SV2C: variants seen among roughly 807,000 people sequenced by gnomAD.
SV2C encodes the protein synaptic vesicle glycoprotein 2C, also known as solute carrier family 22 member B3.
SV2C carries 49 observed loss-of-function variants against 79.7 expected under a neutral mutation model. The ratio of observed to expected loss-of-function variants is 0.61; its 90% CI spans 0.49 to 0.78. The LOEUF (loss-of-function observed/expected upper bound fraction) is 0.78, where lower values mean the gene tolerates loss of function less well. Among genes scored for constraint, SV2C ranks in the 30% least tolerant of loss-of-function variants. The probability of loss-of-function intolerance (pLI) is 0.00; values close to 1 mark genes in which losing one functional copy is unlikely to be tolerated. For missense variants in SV2C, 833 were observed against 912.9 expected (o/e 0.91, Z 1.13); for synonymous variants, 334 against 333.2 (o/e 1.00, Z -0.03).
At chr5:75,983,174 A>G in the SV2C span, among the ~76,000 whole-genome samples, 1 of 152,104 alleles carries the variant, frequency 6.6e-6, no homozygotes, top group African/African-American at 2.4e-5. Context: ...CCCTCATAAC[A>G]CAAGTTTACC....
At chr5:76,336,941 G>T (rs967520976), downstream of SV2C, among the ~76,000 whole-genome samples, 1 of 152,096 alleles carries the variant, frequency 6.6e-6, no homozygotes, top group African/African-American at 2.4e-5. Flanking sequence ...GAAACAACAG[G>T]CCTGGCATGG....
In SV2C at chr5:76,345,040, G is replaced by A. The variant is rs539269439; in HGVS notation, c.2001-8090G>A. ...TACTTGCATATTCAGGACTAACCCA[G>A]CATAGATGTTACATCCTCGATATTC... On this transcript the variant is annotated intron_variant, in intron 12 of 12. Coordinates refer to the SV2C transcript ENST00000322285. Among the ~76,000 whole-genome samples the A allele has an allele frequency of 2.6e-5, 4 of 152,332 alleles. No individual in the cohort carries two copies. In the East Asian group the frequency reaches 7.7e-4, roughly 29 times the overall value.
intron 1 of SV2C, among the ~76,000 whole-genome samples, chr5:76,125,420 G>C (rs1260002903): frequency 1.3e-5 from 2 of 152,030 alleles, no homozygotes; most frequent in African/African-American, 4.8e-5. Context: ...AGAATTTAAA[G>C]GATTTTAGTG....
chr5:76,139,720 T>C (rs190067251), intron 2 of SV2C, among the ~76,000 whole-genome samples: 1 of 152,092 alleles, frequency 6.6e-6, no homozygotes, highest in Non-Finnish European at 1.5e-5. Flanking sequence ...ACATCTGCAA[T>C]ATTAGCTAGA....
At chr5:76,065,730 C>G in the SV2C span, among the ~76,000 whole-genome samples, 1 of 152,150 alleles carries the variant, frequency 6.6e-6, no homozygotes, top group Admixed American at 6.5e-5. Context: ...CCATTGGTAT[C>G]ATTGGAATGG....
chr5:76,183,001 TA>T, intron 2 of SV2C, among the ~76,000 whole-genome samples: 1 of 148,566 alleles, frequency 6.7e-6, no homozygotes, highest in Non-Finnish European at 1.5e-5. Flanking sequence ...CACATACTTT[TA>T]AATGACCACA....
intron 4 of SV2C, among the ~76,000 whole-genome samples, chr5:76,245,702 G>A (rs1366136506): frequency 6.6e-6 from 1 of 152,136 alleles, no homozygotes; most frequent in Non-Finnish European, 1.5e-5. Flanking sequence ...AACTCTATAT[G>A]CTAATTGAAA....
At chr5:75,956,290 G>A in the SV2C span, among the ~76,000 whole-genome samples, 65 of 144,246 alleles carry the variant, frequency 4.5e-4, 1 homozygote, top group South Asian at 9.0e-3. Flanking sequence ...GTAAACTATC[G>A]CAAGAACAAA....
the SV2C span, among the ~76,000 whole-genome samples, chr5:76,025,449 CT>C: frequency 6.6e-6 from 1 of 152,156 alleles, no homozygotes; most frequent in Admixed American, 6.5e-5. Flanking sequence ...GGAAATAAGG[CT>C]TTTAAAAAGC....
rs1015562195 is a variant in SV2C at position 76,301,051 on chromosome 5, C to A, written c.1840+119C>A. On this transcript the variant is annotated intron_variant, in intron 11 of 12. Transcript: ENST00000502798. Reference sequence around the variant, plus strand: ...ATCCAATAAGGAGAAATCCTTTAGACCTTACGTTGGGACTAAATTATAGTG... The same window carrying A: ...ATCCAATAAGGAGAAATCCTTTAGAACTTACGTTGGGACTAAATTATAGTG... The A allele has an allele frequency of 4.9e-5, 56 of 1,140,852 alleles. 1 individual carries two copies. In the South Asian group the frequency reaches 8.1e-4, roughly 16 times the overall value. The allele number at this position is 1,140,852 out of a possible 1,614,324, so 70.7% of individuals were successfully genotyped here. A position where few individuals can be genotyped will look rare whatever the true frequency, so the allele number is the denominator to read the frequency against.
chr5:76,096,868 T>C lies in SV2C; in HGVS notation c.-102+13356T>C, dbSNP rs537149207. ...GACTGTCTTTGAGCTGGGACATTGA[T>C]CTTCTACCTTTGGATTCAGGCTTTG... On this transcript the variant is annotated intron_variant, in intron 1 of 12. Transcript: ENST00000502798. Among the ~76,000 whole-genome samples the C allele has an allele frequency of 5.8e-4, 88 of 152,320 alleles. No individual in the cohort carries two copies. The South Asian group carries it at 0.012, about 20-fold the overall frequency.
intron 2 of SV2C, among the ~76,000 whole-genome samples, chr5:76,171,553 C>G (rs1224112864): frequency 7.0e-5 from 10 of 143,626 alleles, no homozygotes; most frequent in African/African-American, 1.5e-4. Context: ...GCAGCCACCC[C>G]ATCTGGGAAG....
At chr5:76,181,884 T>C (rs1385173622) in intron 2 of SV2C, among the ~76,000 whole-genome samples, 1 of 152,218 alleles carries the variant, frequency 6.6e-6, no homozygotes, top group African/African-American at 2.4e-5. Flanking sequence ...ATGCTTTTGC[T>C]TTGATATTTA....
chr5:76,281,376 A>G (rs1747189493), intron 4 of SV2C: 1 of 259,196 alleles, frequency 3.9e-6, no homozygotes, highest in African/African-American at 2.3e-5. Context: ...CCTTTTTTAA[A>G]AATAAACTTG....
the SV2C span, among the ~76,000 whole-genome samples, chr5:76,061,908 G>A: frequency 1.6e-4 from 25 of 151,968 alleles, no homozygotes; most frequent in Admixed American, 1.2e-3. Context: ...CAAGTGCAAA[G>A]CAAAGATACA....
At chr5:75,855,710 A>C in the SV2C span, among the ~76,000 whole-genome samples, 14 of 152,192 alleles carry the variant, frequency 9.2e-5, no homozygotes, top group African/African-American at 3.4e-4. Context: ...GGTACATGAG[A>C]TATTTTGATA....
chr5:76,068,405 C>T, the SV2C span, among the ~76,000 whole-genome samples: 183 of 152,104 alleles, frequency 1.2e-3, no homozygotes, highest in African/African-American at 4.2e-3. Flanking sequence ...TGTGTTTACT[C>T]TTTTTTAAAA....
chr5:76,175,298 T>A (rs1743488634), intron 2 of SV2C, among the ~76,000 whole-genome samples: 1 of 152,170 alleles, frequency 6.6e-6, no homozygotes, highest in Non-Finnish European at 1.5e-5. Context: ...AAACACAATA[T>A]GAATTGCTCT....
intron 1 of SV2C, among the ~76,000 whole-genome samples, chr5:76,112,993 A>T (rs779294825): frequency 6.6e-6 from 1 of 152,242 alleles, no homozygotes. Flanking sequence ...GAGGTATGAC[A>T]GTTGAAGAAG....
Sources: allele counts gnomAD v4.1 joint callset (sites outside exome capture counted in the v4.1 genomes callset), GRCh38; gene constraint gnomAD v4.1.1; transcripts MANE v1.5; gene names NCBI Gene and HGNC (gene_info 2026-07-23, HGNC 2026-07-21).